The following TENM3 variants were observed in gnomAD, a reference collection of about 807,000 sequenced individuals.
TENM3 encodes teneurin-3.
TENM3 carries 63 observed loss-of-function variants against 255.1 expected under a neutral mutation model. That is an observed-to-expected ratio of 0.25 (90% CI 0.20 to 0.30). The LOEUF (loss-of-function observed/expected upper bound fraction) is 0.30, where lower values mean the gene tolerates loss of function less well. Among genes scored for constraint, TENM3 ranks in the 10% least tolerant of loss-of-function variants. The probability of loss-of-function intolerance (pLI) is 1.00; values close to 1 mark genes in which losing one functional copy is unlikely to be tolerated. For missense variants in TENM3, 2,929 were observed against 3,461.1 expected (o/e 0.85, Z 3.86); for synonymous variants, 1,306 against 1,322.3 (o/e 0.99, Z 0.27).
chr4:181,605,547 AAAG>A, the TENM3 span, among the ~76,000 whole-genome samples: 117 of 28,710 alleles, frequency 4.1e-3, 16 homozygotes, highest in African/African-American at 8.1e-3. Flanking sequence ...AGAAAGAAAG[AAAG>A]AAAGAAAGAA....
In TENM3 at chr4:182,481,626, C is replaced by T. The variant is rs540341885; in HGVS notation, c.512-119298C>T. ...CCTGAGCAACACGGTGAAACCCCGT[C>T]TCTACTAAAATACACAAAATTAGCC... On this transcript the variant is annotated intron_variant, in intron 3 of 27. Coordinates refer to ENST00000511685, the MANE Select transcript of TENM3 (RefSeq NM_001080477.4). 2.6e-5 allele frequency among the ~76,000 whole-genome samples: 4 copies of T among 152,246 alleles called. No homozygotes were observed. In the East Asian group the frequency reaches 7.7e-4, roughly 29 times the overall value.
the TENM3 span, among the ~76,000 whole-genome samples, chr4:181,552,862 G>C: frequency 0.49 from 74,526 of 152,086 alleles, 18,296 homozygotes; most frequent in African/African-American, 0.51. Context: ...TTATTTACAA[G>C]AAGTTTGCTA....
the TENM3 span, among the ~76,000 whole-genome samples, chr4:181,765,274 G>A: frequency 6.6e-6 from 1 of 152,102 alleles, no homozygotes; most frequent in Non-Finnish European, 1.5e-5. Flanking sequence ...TGTATTATGT[G>A]TAAAGTTGAC....
chr4:181,893,498 C>CCCCCCCCCCCT, the TENM3 span, among the ~76,000 whole-genome samples: 3 of 100,514 alleles, frequency 3.0e-5, no homozygotes, highest in African/African-American at 1.1e-4. Context: ...CCCACCCCCC[C>CCCCCCCCCCCT]CCCACCCCCA....
chr4:182,486,529 G>C (rs1734739514), intron 3 of TENM3, among the ~76,000 whole-genome samples: 1 of 152,182 alleles, frequency 6.6e-6, no homozygotes, highest in Admixed American at 6.5e-5. Context: ...AGTCAATGCT[G>C]TTCTCATATA....
chr4:181,518,259 G>A, the TENM3 span, among the ~76,000 whole-genome samples: 9 of 151,424 alleles, frequency 5.9e-5, no homozygotes, highest in African/African-American at 2.2e-4. Context: ...TTTGGACTGG[G>A]TATTCCTCAC....
At chr4:182,192,963 G>C (rs1183015112) in intron 1 of TENM3, among the ~76,000 whole-genome samples, 1 of 152,186 alleles carries the variant, frequency 6.6e-6, no homozygotes, top group Non-Finnish European at 1.5e-5. Context: ...GTTCTGTGTA[G>C]GCATATGTGC....
At chr4:182,347,606 G>GA (rs1192229770) in intron 3 of TENM3, among the ~76,000 whole-genome samples, 1 of 135,888 alleles carries the variant, frequency 7.4e-6, no homozygotes, top group African/African-American at 2.8e-5. Context: ...TATATTGTAA[G>GA]AAAAAAAGTC....
intron 19 of TENM3, chr4:182,744,084 C>CTG: frequency 1.2e-6 from 1 of 830,054 alleles, no homozygotes; most frequent in Non-Finnish European, 1.4e-6. Context: ...GCTTTTCTAA[C>CTG]TGTGCTTTCT....
intron 13 of TENM3, among the ~76,000 whole-genome samples, chr4:182,722,967 C>T (rs967649753): frequency 3.3e-5 from 5 of 152,118 alleles, no homozygotes; most frequent in African/African-American, 4.8e-5. Context: ...AGAAGCTGAG[C>T]GGGGTGGATG....
the TENM3 span, among the ~76,000 whole-genome samples, chr4:181,536,257 T>C: frequency 6.6e-6 from 1 of 152,224 alleles, no homozygotes; most frequent in Non-Finnish European, 1.5e-5. Flanking sequence ...GCCTTTTGAA[T>C]GGCCTCTTCA....
chr4:182,719,565 T>C (rs1759530713), intron 13 of TENM3, among the ~76,000 whole-genome samples: 1 of 152,048 alleles, frequency 6.6e-6, no homozygotes, highest in South Asian at 2.1e-4. Context: ...GGCCTAGAGC[T>C]ATCTTTTATC....
At chr4:182,745,514 C>T (rs1417335463) in intron 19 of TENM3, among the ~76,000 whole-genome samples, 1 of 152,128 alleles carries the variant, frequency 6.6e-6, no homozygotes, top group Non-Finnish European at 1.5e-5. Flanking sequence ...CTATTCCATG[C>T]CGGGCATGGT....
At position 182,634,051 on chromosome 4, in the gene TENM3, G is replaced by C. The variant is rs530794131; in HGVS notation, c.988+5162G>C. On this transcript the variant is annotated intron_variant, in intron 5 of 27. Coordinates refer to ENST00000511685, the MANE Select transcript of TENM3 (RefSeq NM_001080477.4). ...GATTGGTTTTTCCAGCAGGCTCTCA[G>C]GTGATGCTGCCGTGCTTCTCAGACC... 2.0e-5 allele frequency among the ~76,000 whole-genome samples: 3 copies of C among 152,252 alleles called. No homozygotes were observed. In the South Asian group the frequency reaches 6.2e-4, roughly 32 times the overall value.
intron 1 of TENM3, among the ~76,000 whole-genome samples, chr4:182,251,005 T>C (rs1757975668): frequency 6.6e-6 from 1 of 152,242 alleles, no homozygotes; most frequent in Non-Finnish European, 1.5e-5. Flanking sequence ...GTGAGAGATT[T>C]GCCCAGAGAC....
intron 19 of TENM3, chr4:182,744,036 A>T: frequency 1.4e-6 from 1 of 739,244 alleles, no homozygotes; most frequent in Non-Finnish European, 1.7e-6. Context: ...CATACAAATA[A>T]TTAAAATCTC....
chr4:181,559,093 G>A, the TENM3 span, among the ~76,000 whole-genome samples: 2 of 150,546 alleles, frequency 1.3e-5, no homozygotes, highest in East Asian at 2.0e-4. Flanking sequence ...CTTGCTTTTC[G>A]AATTAAAAAA....
the TENM3 span, among the ~76,000 whole-genome samples, chr4:181,476,375 G>C: frequency 6.6e-6 from 1 of 151,964 alleles, no homozygotes. Context: ...ATGATTACTG[G>C]GACGTGAGGG....
intron 1 of TENM3, among the ~76,000 whole-genome samples, chr4:182,221,497 G>A (rs17072893): frequency 0.023 from 3,525 of 152,246 alleles, 134 homozygotes; most frequent in African/African-American, 0.079. Context: ...AAATACCAGA[G>A]CTGAAATCAT....
Sources: allele counts gnomAD v4.1 joint callset (sites outside exome capture counted in the v4.1 genomes callset), GRCh38; gene constraint gnomAD v4.1.1; transcripts MANE v1.5; gene names NCBI Gene and HGNC (gene_info 2026-07-23, HGNC 2026-07-21).